The following OR10J1 variants were observed in gnomAD, a reference collection of about 807,000 sequenced individuals.
OR10J1 encodes the protein olfactory receptor 10J1.
For synonymous variants in OR10J1, 202 were observed against 143.8 expected (o/e 1.40, Z -2.89); for missense variants, 474 against 376.6 (o/e 1.26, Z -2.14).
chr1:159,408,086 T>C, the OR10J1 span, among the ~76,000 whole-genome samples: 1 of 152,030 alleles, frequency 6.6e-6, no homozygotes, highest in African/African-American at 2.4e-5. Context: ...AAGGCTTATG[T>C]TGCAGGCAGC....
chr1:159,424,776 G>C, the OR10J1 span, among the ~76,000 whole-genome samples: 1 of 152,012 alleles, frequency 6.6e-6, no homozygotes, highest in African/African-American at 2.4e-5. Context: ...CAACAAATAT[G>C]AGTTCCAAAC....
the OR10J1 span, among the ~76,000 whole-genome samples, chr1:159,408,925 A>T: frequency 3.3e-5 from 5 of 152,068 alleles, no homozygotes; most frequent in Non-Finnish European, 5.9e-5. Flanking sequence ...AACATTAAAG[A>T]GGCTGAGTCC....
At chr1:159,404,090 A>C in the OR10J1 span, among the ~76,000 whole-genome samples, 2 of 152,042 alleles carry the variant, frequency 1.3e-5, no homozygotes. Flanking sequence ...GGGCATAGAG[A>C]GCAACCAGAG....
the OR10J1 span, among the ~76,000 whole-genome samples, chr1:159,426,770 T>C: frequency 6.6e-6 from 1 of 151,762 alleles, no homozygotes; most frequent in East Asian, 1.9e-4. Flanking sequence ...TGGACCACAA[T>C]GCAATAAAAT....
At chr1:159,426,566 AAC>A in the OR10J1 span, among the ~76,000 whole-genome samples, 1 of 152,002 alleles carries the variant, frequency 6.6e-6, no homozygotes, top group South Asian at 2.1e-4. Flanking sequence ...TAAATTGACA[AAC>A]ACACAATCAT....
chr1:159,402,740 C>T, the OR10J1 span, among the ~76,000 whole-genome samples: 2 of 151,948 alleles, frequency 1.3e-5, no homozygotes, highest in African/African-American at 4.8e-5. Flanking sequence ...TGATATTCTC[C>T]ACAGAAATAG....
At chr1:159,434,480 C>T (rs1213509297), upstream of OR10J1, among the ~76,000 whole-genome samples, 8 of 152,078 alleles carry the variant, frequency 5.3e-5, no homozygotes, top group African/African-American at 1.9e-4. Flanking sequence ...AGCACAACCC[C>T]AAAGAGGAAA....
the OR10J1 span, among the ~76,000 whole-genome samples, chr1:159,426,310 A>G: frequency 6.6e-6 from 1 of 151,922 alleles, no homozygotes; most frequent in African/African-American, 2.4e-5. Context: ...TTTAAAATGT[A>G]TATTAAAATG....
upstream of OR10J1, among the ~76,000 whole-genome samples, chr1:159,439,244 G>A (rs920056013): frequency 4.6e-5 from 7 of 152,168 alleles, no homozygotes; most frequent in Non-Finnish European, 8.8e-5. Context: ...GACATCACTA[G>A]TCCATCCCTA....
the OR10J1 span, chr1:159,432,123 A>G: frequency 2.5e-6 from 1 of 399,718 alleles, no homozygotes; most frequent in Admixed American, 4.4e-5. Context: ...ATGGCTGATG[A>G]CGATCCTGGA....
the OR10J1 span, among the ~76,000 whole-genome samples, chr1:159,430,600 T>C: frequency 2.7e-5 from 4 of 149,712 alleles, no homozygotes; most frequent in Non-Finnish European, 5.9e-5. Flanking sequence ...ACAACAACCA[T>C]CCATGAACAT....
the OR10J1 span, among the ~76,000 whole-genome samples, chr1:159,414,648 C>T: frequency 5.2e-3 from 785 of 152,172 alleles, 11 homozygotes; most frequent in African/African-American, 0.017. Flanking sequence ...CTATTTTTAG[C>T]TTTTGAGAAA....
chr1:159,417,345 C>T, the OR10J1 span, among the ~76,000 whole-genome samples: 1 of 152,120 alleles, frequency 6.6e-6, no homozygotes. Context: ...TATGGTTTGA[C>T]TCTGACCACA....
At chr1:159,409,717 A>C in the OR10J1 span, among the ~76,000 whole-genome samples, 9 of 152,018 alleles carry the variant, frequency 5.9e-5, no homozygotes, top group Admixed American at 2.0e-4. Context: ...CAGCTTTTCC[A>C]ATTTTTTAAA....
the OR10J1 span, among the ~76,000 whole-genome samples, chr1:159,423,890 T>C: frequency 2.0e-5 from 3 of 152,186 alleles, no homozygotes; most frequent in African/African-American, 7.2e-5. Flanking sequence ...ATTGGCTTAT[T>C]AGAGCTTTTT....
chr1:159,399,570 C>CAAA, the OR10J1 span, among the ~76,000 whole-genome samples: 504 of 56,008 alleles, frequency 9.0e-3, 10 homozygotes, highest in African/African-American at 0.02. Context: ...GATTCTGTCT[C>CAAA]AAAAAAAAAA....
At chr1:159,402,256 T>C in the OR10J1 span, among the ~76,000 whole-genome samples, 1 of 152,028 alleles carries the variant, frequency 6.6e-6, no homozygotes, top group African/African-American at 2.4e-5. Flanking sequence ...AAGTCCTAGC[T>C]AGAGCAATCA....
the OR10J1 span, among the ~76,000 whole-genome samples, chr1:159,407,123 T>C: frequency 6.6e-6 from 1 of 152,162 alleles, no homozygotes; most frequent in Non-Finnish European, 1.5e-5. Flanking sequence ...GAGTCAAAAG[T>C]TATGAGCATC....
upstream of OR10J1, among the ~76,000 whole-genome samples, chr1:159,435,996 A>T (rs1462625511): frequency 1.3e-5 from 2 of 152,212 alleles, no homozygotes; most frequent in Non-Finnish European, 2.9e-5. Context: ...TCGGAGGGTT[A>T]TTTGGAGGCC....
Sources: gnomAD v4.1 joint callset for allele counts (sites outside exome capture counted in the v4.1 genomes callset) on GRCh38, gnomAD v4.1.1 for gene constraint, MANE v1.5 for transcripts, NCBI Gene and HGNC (gene_info 2026-07-23, HGNC 2026-07-21) for gene names.